The following ZBTB38 variants were observed in gnomAD, a reference collection of about 807,000 sequenced individuals.
ZBTB38 encodes the protein zinc finger and BTB domain containing 38.
In ZBTB38, 20 loss-of-function variants were observed where a neutral mutation model predicts 76.8. The observed-to-expected ratio is 0.26, with a 90% CI of 0.18 to 0.38. The LOEUF is 0.38. Among genes scored for constraint, ZBTB38 ranks in the 10% least tolerant of loss-of-function variants. The pLI is 1.00. For synonymous variants in ZBTB38, 504 were observed against 544.2 expected, an observed-to-expected ratio of 0.93 and a Z score of 1.03; for missense variants, 1,082 against 1,482.3, an observed-to-expected ratio of 0.73 and a Z score of 4.43.
chr3:141,324,464 A>G (rs1045766788), intron 1 of ZBTB38: 2 of 152,232 alleles, frequency 1.3e-5, no homozygotes, highest in Non-Finnish European at 2.9e-5. Context: ...AAGGTTGGTG[A>G]CATACTTTTT....
chr3:141,449,370 G>A lies in ZBTB38; in HGVS notation c.*3394G>A, dbSNP rs1305791779. On this transcript the variant is annotated 3_prime_UTR_variant, in exon 6 of 6. Coordinates refer to ENST00000321464, the MANE Select transcript of ZBTB38 (RefSeq NM_001376113.1). ...GGCTTCCCTTATATCTCAGGAGATT[G>A]CCCTATAAAATCAGTAAAATTTGTG... The A allele has an allele frequency of 1.3e-5, 2 of 152,280 alleles. No homozygotes were observed. The highest frequency in any genetic ancestry group is 3.9e-4 in the East Asian group (2 of 5,188). 9.4% of individuals were successfully genotyped at this position (152,280 alleles called of 1,614,324 possible). A position where few individuals can be genotyped will look rare whatever the true frequency, so the allele number is the denominator to read the frequency against.
intron 1 of ZBTB38, among the ~76,000 whole-genome samples, chr3:141,350,529 T>C (rs1474519161): frequency 6.6e-6 from 1 of 152,150 alleles, no homozygotes; most frequent in African/African-American, 2.4e-5. Context: ...TTTGGACGTC[T>C]TGCTCTCTGG....
chr3:141,437,473 T>G (rs1236172972), intron 5 of ZBTB38, among the ~76,000 whole-genome samples: 1 of 152,198 alleles, frequency 6.6e-6, no homozygotes, highest in Non-Finnish European at 1.5e-5. Flanking sequence ...TGCAAACCTT[T>G]GAGTGTAGAA....
Position 141,444,817 on chromosome 3 carries a change from A to G in ZBTB38, c.2429A>G (p.Glu810Gly). The G allele has an allele frequency of 6.2e-7, 1 of 1,614,180 alleles. No individual in the cohort carries two copies. Among genetic ancestry groups the G allele is most frequent in the African/African-American group, 1.3e-5 (1 of 75,056 alleles). The change falls in exon 6 of 6, where the codon GAA (glutamate) becomes GGA (glycine). Residue 810 changes from glutamate to glycine, a missense_variant. By Grantham distance (98) the Glu-to-Gly change is moderately conservative (BLOSUM62 -2). Around this residue, in one of 8 missense-constraint regions of ZBTB38, gnomAD observed 471 missense variants for 581.0 expected, o/e 0.81. Coordinates refer to ENST00000321464, the MANE Select transcript of ZBTB38 (RefSeq NM_001376113.1). This position sits in a 1 kb window ranked among gnomAD's most constrained non-coding sequence, Gnocchi z 5.1. ...CTGAGCAAAACCACAAATATTGCTG[A>G]AGAAACCAGCAAAATTGAAACCTAC... is the stretch of plus-strand genomic sequence containing the variant. Reference protein sequence around the residue: ...GSLSKTTNIAEETSKIETYIA... With the variant: ...GSLSKTTNIAGETSKIETYIA...
chr3:141,348,785 C>G (rs1943436853), intron 1 of ZBTB38, among the ~76,000 whole-genome samples: 1 of 152,078 alleles, frequency 6.6e-6, no homozygotes, highest in Non-Finnish European at 1.5e-5. Flanking sequence ...CACCAAGACC[C>G]CACTAAAATG....
chr3:141,367,306 T>C (rs1944005853), upstream of ZBTB38: 1 of 152,342 alleles, frequency 6.6e-6, no homozygotes, highest in Admixed American at 6.5e-5. Context: ...ATCTACCACA[T>C]GCCACAGGCT....
intron 5 of ZBTB38, among the ~76,000 whole-genome samples, chr3:141,425,845 G>T (rs2076278965): frequency 6.6e-6 from 1 of 152,204 alleles, no homozygotes; most frequent in African/African-American, 2.4e-5. Context: ...TCCCAGCTCT[G>T]CCACCAATAG....
At chr3:141,423,838 A>G (rs1162268059) in intron 5 of ZBTB38, among the ~76,000 whole-genome samples, 1 of 152,222 alleles carries the variant, frequency 6.6e-6, no homozygotes, top group African/African-American at 2.4e-5. Context: ...TCAAAAACCC[A>G]AAACACCAAA....
chr3:141,424,106 A>G (rs1186405861), intron 5 of ZBTB38, among the ~76,000 whole-genome samples: 1 of 152,256 alleles, frequency 6.6e-6, no homozygotes, highest in Non-Finnish European at 1.5e-5. Flanking sequence ...TTAAGAGGAT[A>G]AGTCCACATA....
At chr3:141,371,197 C>A (rs1413757821) in intron 2 of ZBTB38, among the ~76,000 whole-genome samples, 1 of 151,394 alleles carries the variant, frequency 6.6e-6, no homozygotes, top group Non-Finnish European at 1.5e-5. Context: ...GGACTGCAGG[C>A]ACGCACCACC....
chr3:141,407,518 G>T (rs77740929), intron 5 of ZBTB38, among the ~76,000 whole-genome samples: 8 of 152,200 alleles, frequency 5.3e-5, no homozygotes, highest in Non-Finnish European at 8.8e-5. Context: ...GCATCTACAC[G>T]TAAAGCCTTA....
At chr3:141,356,573 A>T (rs142792032) in intron 1 of ZBTB38, among the ~76,000 whole-genome samples, 12 of 152,254 alleles carry the variant, frequency 7.9e-5, no homozygotes, top group African/African-American at 2.6e-4. Flanking sequence ...AACAAAACAC[A>T]TTGACACAAC....
At chr3:141,356,639 G>A (rs1049537186) in intron 1 of ZBTB38, among the ~76,000 whole-genome samples, 11 of 151,358 alleles carry the variant, frequency 7.3e-5, no homozygotes, top group African/African-American at 1.9e-4. Context: ...GCAGCATCTC[G>A]TCCCCCTCCC....
At chr3:141,364,873 T>TA (rs1943920057), upstream of ZBTB38, among the ~76,000 whole-genome samples, 1 of 151,962 alleles carries the variant, frequency 6.6e-6, no homozygotes, top group African/African-American at 2.4e-5. Context: ...ATGGCTATAA[T>TA]AAAAAAGACA....
intron 1 of ZBTB38, among the ~76,000 whole-genome samples, chr3:141,357,543 G>T (rs1319169118): frequency 2.0e-5 from 3 of 152,050 alleles, no homozygotes; most frequent in Non-Finnish European, 2.9e-5. Context: ...TTGTTTGTTT[G>T]TTTCGAGATG....
intron 1 of ZBTB38, among the ~76,000 whole-genome samples, chr3:141,328,404 A>G (rs1405346981): frequency 6.6e-6 from 1 of 152,128 alleles, no homozygotes; most frequent in Non-Finnish European, 1.5e-5. Flanking sequence ...TGTTGAAGCC[A>G]CTACTCTTTT....
At chr3:141,421,064 A>C (rs1668587417) in intron 5 of ZBTB38, among the ~76,000 whole-genome samples, 1 of 151,958 alleles carries the variant, frequency 6.6e-6, no homozygotes, top group Admixed American at 6.5e-5. Context: ...TCAATTATTG[A>C]GCACTTACTA....
At chr3:141,343,420 T>C (rs563490271) in intron 1 of ZBTB38, among the ~76,000 whole-genome samples, 3 of 151,976 alleles carry the variant, frequency 2.0e-5, no homozygotes, top group South Asian at 2.1e-4. Context: ...GAGGTGGGGA[T>C]TGTCAACAAG....
rs1185608672 is a variant in ZBTB38, at chr3:141,340,946, G to GAAAAGAAAAGAAAAGAAAAGAAAAGAA, written c.-739+16492_-739+16493insAAGAAAAGAAAAGAAAAGAAAAGAAAA. 1.2e-3 allele frequency among the ~76,000 whole-genome samples: 50 copies of GAAAAGAAAAGAAAAGAAAAGAAAAGAA among 42,882 alleles called. 1 individual carries two copies. Among genetic ancestry groups the GAAAAGAAAAGAAAAGAAAAGAAAAGAA allele is most frequent in the African/African-American group, 4.6e-3 (19 of 4,134 alleles). The allele number at this position is 42,882 out of a possible 152,430, so 28.1% of individuals were successfully genotyped here. On this transcript the variant is annotated intron_variant, in intron 1 of 7. Coordinates refer to the ZBTB38 transcript ENST00000509842. ...AAAGGAAAAAAGAAAAGAAAAGAAA[G>GAAAAGAAAAGAAAAGAAAAGAAAAGAA]AAGGAAAGAAAGAAAGAAAGAAAGA...
Sources: allele counts gnomAD v4.1 joint callset (sites outside exome capture counted in the v4.1 genomes callset), GRCh38; gene constraint gnomAD v4.1.1; regional missense constraint gnomAD v4.1.1; non-coding constraint Gnocchi (gnomAD v3.1); transcripts MANE v1.5; gene names NCBI Gene and HGNC (gene_info 2026-07-23, HGNC 2026-07-21).